ALCAM: variants seen among roughly 807,000 people sequenced by gnomAD.
The protein encoded by ALCAM is activated leukocyte cell adhesion molecule.
ALCAM carries 30 observed loss-of-function variants against 70.9 expected under a neutral mutation model. The ratio of observed to expected loss-of-function variants is 0.42; its 90% confidence interval spans 0.32 to 0.57. The LOEUF is 0.57. Among genes scored for constraint, ALCAM ranks in the 20% least tolerant of loss-of-function variants. The pLI is 0.11. For synonymous variants in ALCAM, 249 were observed against 242.5 expected (o/e 1.03, Z -0.25); for missense variants, 591 against 695.1 (o/e 0.85, Z 1.68).
intron 6 of ALCAM, among the ~76,000 whole-genome samples, chr3:105,535,779 T>G (rs1472297786): frequency 1.3e-5 from 2 of 152,080 alleles, no homozygotes; most frequent in African/African-American, 4.8e-5. Flanking sequence ...TATCTAAAAT[T>G]TTTGTGATAC....
At chr3:105,566,591 C>T (rs2152635263) in intron 14 of ALCAM, among the ~76,000 whole-genome samples, 1 of 152,224 alleles carries the variant, frequency 6.6e-6, no homozygotes, top group Middle Eastern at 3.4e-3. Context: ...GGCCTTTTAA[C>T]TATACCTCTT....
At chr3:105,456,405 G>A (rs1171186262) in intron 1 of ALCAM, among the ~76,000 whole-genome samples, 2 of 152,132 alleles carry the variant, frequency 1.3e-5, no homozygotes, top group African/African-American at 4.8e-5. Context: ...ACACTAATAA[G>A]TTAATCACAA....
At position 105,421,346 on chromosome 3, in the gene ALCAM, T is replaced by G. The variant is rs192833874; in HGVS notation, c.73+53865T>G. Among the ~76,000 whole-genome samples the G allele has an allele frequency of 4.0e-5, 6 of 151,624 alleles. No individual in the cohort carries two copies. The Admixed American group carries it at 4.0e-4, about 10-fold the overall frequency. ...AATTGTGTTTGTGCTATGGTTCTTT[T>G]GTGGTCCATAGCAATTTAATTCTTT... On this transcript the variant is annotated intron_variant, in intron 1 of 15. Transcript: ENST00000306107.
Position 105,490,535 on chromosome 3 carries a change from G to A in ALCAM, c.74-29532G>A, listed in dbSNP as rs540737137. Among the ~76,000 whole-genome samples, 4 of 152,232 alleles carry A rather than the reference G, an allele frequency of 2.6e-5. No individual in the cohort carries two copies. The South Asian group carries it at 8.3e-4, about 32-fold the overall frequency. ...CACATTTGAAGCACTGTGTATGTAT[G>A]TGTGTGTGTCTGTGCATGTGTGTTG... On this transcript the variant is annotated intron_variant, in intron 1 of 15. Coordinates refer to ENST00000306107, the MANE Select transcript of ALCAM (RefSeq NM_001627.4).
chr3:105,429,903 C>A (rs1159552726), intron 1 of ALCAM, among the ~76,000 whole-genome samples: 1 of 151,702 alleles, frequency 6.6e-6, no homozygotes, highest in Non-Finnish European at 1.5e-5. Context: ...AATTTTTGAA[C>A]TTTTTAAAGC....
chr3:105,553,220 C>G (rs1940451155), intron 14 of ALCAM: 1 of 634,614 alleles, frequency 1.6e-6, no homozygotes, highest in Non-Finnish European at 2.0e-6. Flanking sequence ...TACAAATTAT[C>G]TAACAGTGGT....
chr3:105,488,599 AAAC>A (rs1938494103), intron 1 of ALCAM, among the ~76,000 whole-genome samples: 1 of 151,824 alleles, frequency 6.6e-6, no homozygotes. Flanking sequence ...TTTCAACAGA[AAAC>A]AAAGTAAAAG....
At chr3:105,545,073 A>G (rs1940211363) in intron 8 of ALCAM, 150 bp from the exon 9 acceptor site, 5 of 628,614 alleles carry the variant, frequency 8.0e-6, no homozygotes, top group South Asian at 3.2e-5. Flanking sequence ...TAATCATGCT[A>G]TAGTCCAATT....
chr3:105,541,210 T>G (rs1940106969), intron 7 of ALCAM, among the ~76,000 whole-genome samples: 1 of 151,812 alleles, frequency 6.6e-6, no homozygotes, highest in African/African-American at 2.4e-5. Context: ...CCTTTCTTCC[T>G]TTTTACTTTC....
At chr3:105,524,259 G>T in intron 2 of ALCAM, 30 bp from the exon 3 acceptor site, 1 of 1,549,458 alleles carries the variant, frequency 6.5e-7, no homozygotes, top group Non-Finnish European at 8.8e-7. Context: ...ATATGCTTGT[G>T]TTTAAATGTA....
At chr3:105,422,392 A>G (rs188523691) in intron 1 of ALCAM, among the ~76,000 whole-genome samples, 1 of 151,550 alleles carries the variant, frequency 6.6e-6, no homozygotes, top group East Asian at 1.9e-4. Context: ...GGTACTGGTA[A>G]TGCATTCAGG....
intron 14 of ALCAM, among the ~76,000 whole-genome samples, chr3:105,559,184 C>A (rs1215997656): frequency 6.8e-6 from 1 of 147,254 alleles, no homozygotes; most frequent in East Asian, 2.0e-4. Flanking sequence ...ATTATATATA[C>A]ATGTATACTT....
At chr3:105,414,580 C>T (rs1936464203) in intron 1 of ALCAM, among the ~76,000 whole-genome samples, 1 of 152,038 alleles carries the variant, frequency 6.6e-6, no homozygotes, top group African/African-American at 2.4e-5. Context: ...CTCTAGAAAA[C>T]AGCATGAACA....
chr3:105,572,351 G>A (rs140204088), intron 15 of ALCAM, among the ~76,000 whole-genome samples: 4 of 152,008 alleles, frequency 2.6e-5, no homozygotes, highest in African/African-American at 9.6e-5. Context: ...TTCTGTTCTT[G>A]CGTTAGTTTG....
At chr3:105,521,778 T>C (rs1016090596) in intron 2 of ALCAM, among the ~76,000 whole-genome samples, 4 of 152,126 alleles carry the variant, frequency 2.6e-5, no homozygotes, top group African/African-American at 9.7e-5. Context: ...ACTATGCTCG[T>C]GTGAGTGGGA....
chr3:105,400,283 C>G (rs1408028335), intron 1 of ALCAM, among the ~76,000 whole-genome samples: 1 of 152,002 alleles, frequency 6.6e-6, no homozygotes, highest in Non-Finnish European at 1.5e-5. Context: ...AAAACAGATA[C>G]TTTACTATTA....
chr3:105,575,342 GT>G lies in ALCAM; in HGVS notation c.*893del, dbSNP rs932785359. 1 of 152,432 alleles carries G rather than the reference GT, an allele frequency of 6.6e-6. No homozygotes were observed. Among genetic ancestry groups the G allele is most frequent in the African/African-American group, 2.4e-5 (1 of 41,390 alleles). The allele number at this position is 152,432 out of a possible 1,614,324, so 9.4% of individuals were successfully genotyped here. On this transcript the variant is annotated 3_prime_UTR_variant, in exon 16 of 16. Coordinates refer to ENST00000306107, the MANE Select transcript of ALCAM (RefSeq NM_001627.4). ...TACAAATTGGTGTTAAATCCTTTGG[GT>G]TATCCACTGCCTTAAAATTATACCT...
chr3:105,489,161 G>A (rs1298667138), intron 1 of ALCAM, among the ~76,000 whole-genome samples: 3 of 152,148 alleles, frequency 2.0e-5, no homozygotes, highest in Admixed American at 6.6e-5. Flanking sequence ...TCCCTGAAGA[G>A]TTTTCTGTTG....
At chr3:105,431,119 A>G (rs2107437213) in intron 1 of ALCAM, among the ~76,000 whole-genome samples, 1 of 151,034 alleles carries the variant, frequency 6.6e-6, no homozygotes, top group African/African-American at 2.4e-5. Context: ...CTAATTGCAA[A>G]TCCCCACTTA....
Sources: gnomAD v4.1 joint callset for allele counts (sites outside exome capture counted in the v4.1 genomes callset) on GRCh38, gnomAD v4.1.1 for gene constraint, MANE v1.5 for transcripts, NCBI Gene and HGNC (gene_info 2026-07-23, HGNC 2026-07-21) for gene names.